TAB1: variants seen among roughly 807,000 people sequenced by gnomAD.
TAB1 encodes TGF-beta activated kinase 1 (MAP3K7) binding protein 1.
Under a neutral mutation model 54.5 loss-of-function variants are expected in TAB1, and 30 were observed. That is an observed-to-expected ratio of 0.55 (90% CI 0.41 to 0.75). TAB1 has a LOEUF of 0.75. TAB1 is among the 30% of genes least tolerant of loss of function. The pLI, the probability that TAB1 is intolerant of heterozygous loss-of-function variation, is 0.00. For missense variants in TAB1, 609 were observed against 683.2 expected (o/e 0.89, Z 1.21); for synonymous variants, 289 against 286.9 (o/e 1.01, Z -0.07).
intron 8 of TAB1, among the ~76,000 whole-genome samples, chr22:39,426,249 C>G (rs1927329354): frequency 6.6e-6 from 1 of 152,226 alleles, no homozygotes; most frequent in South Asian, 2.1e-4. Context: ...AGGGACTTCT[C>G]TGAGGTCAGG....
chr22:39,401,050 A>C (rs1013552411), intron 1 of TAB1, among the ~76,000 whole-genome samples: 4 of 151,810 alleles, frequency 2.6e-5, no homozygotes, highest in Non-Finnish European at 4.4e-5. Flanking sequence ...AAAAAAAAAA[A>C]AAAAAACGAA....
At chr22:39,422,564 C>T (rs1178783952) in intron 8 of TAB1, among the ~76,000 whole-genome samples, 4 of 151,964 alleles carry the variant, frequency 2.6e-5, no homozygotes, top group African/African-American at 9.7e-5. Context: ...TCTGCCACCA[C>T]GCCCAGCTAA....
chr22:39,435,725 T>C (rs1430243515), downstream of TAB1, among the ~76,000 whole-genome samples: 3 of 151,572 alleles, frequency 2.0e-5, no homozygotes, highest in Non-Finnish European at 4.4e-5. Context: ...GGGCATCACA[T>C]GGGCCGGGGA....
chr22:39,426,970 G>C (rs561922692), intron 9 of TAB1, 45 bp downstream of exon 9: 2 of 1,581,716 alleles, frequency 1.3e-6, no homozygotes, highest in Admixed American at 3.4e-5. Flanking sequence ...ATGCCATCTG[G>C]GGGCCAGAGG....
chr22:39,405,412 T>C (rs1926317550), intron 1 of TAB1, among the ~76,000 whole-genome samples: 1 of 152,250 alleles, frequency 6.6e-6, no homozygotes, highest in African/African-American at 2.4e-5. Context: ...GAGCAGTTCA[T>C]TTCTCAGACA....
chr22:39,427,287 A>C (rs940911596), intron 9 of TAB1, among the ~76,000 whole-genome samples: 3 of 152,184 alleles, frequency 2.0e-5, no homozygotes, highest in African/African-American at 7.2e-5. Flanking sequence ...GGGCAACCCT[A>C]AAGACAGGTG....
At chr22:39,420,645 G>A (rs2145673744) in intron 7 of TAB1, among the ~76,000 whole-genome samples, 1 of 152,272 alleles carries the variant, frequency 6.6e-6, no homozygotes. Flanking sequence ...AGACAGTGCT[G>A]GGGTCTATAC....
intron 1 of TAB1, among the ~76,000 whole-genome samples, chr22:39,414,264 C>G (rs1052828536): frequency 1.3e-5 from 2 of 152,002 alleles, no homozygotes; most frequent in African/African-American, 4.8e-5. Flanking sequence ...GGAGGGTGTT[C>G]ATGTGGAGGC....
downstream of TAB1, chr22:39,436,807 C>T (rs1052416902): frequency 1.8e-6 from 1 of 551,712 alleles, no homozygotes; most frequent in African/African-American, 1.9e-5. Flanking sequence ...GACTTATCCC[C>T]CAAGGCTGTC....
At chr22:39,434,628 G>A (rs1351000871), downstream of TAB1, among the ~76,000 whole-genome samples, 1 of 152,256 alleles carries the variant, frequency 6.6e-6, no homozygotes, top group African/African-American at 2.4e-5. Flanking sequence ...GTCAGGGACA[G>A]ACACAGTGTC....
At chr22:39,401,014 G>C (rs978311970) in intron 1 of TAB1, among the ~76,000 whole-genome samples, 2 of 130,492 alleles carry the variant, frequency 1.5e-5, no homozygotes. Flanking sequence ...AGCCTGGAGC[G>C]ACAGAGCGAG....
downstream of TAB1, among the ~76,000 whole-genome samples, chr22:39,434,446 G>A (rs1046247480): frequency 1.4e-4 from 21 of 152,258 alleles, no homozygotes; most frequent in African/African-American, 3.6e-4. Context: ...GCCGACAAGG[G>A]CATCTTTCAT....
At position 39,426,726 on chromosome 22, in the gene TAB1, T is replaced by C. The variant is rs1927359716; in HGVS notation, c.945T>C (p.Thr315=). ...AGGAGATTGCTGCGATGATTGACAC[T>C]GAGTTTGCCAAGCAGACCTCCCTGG... ...ANQEIAAMID[T]EFAKQTSLDA... Residue 315 remains threonine, a synonymous_variant, in exon 9 of 11, where the codon ACT becomes ACC. Transcript: ENST00000216160. 2.5e-6 allele frequency: 4 copies of C among 1,606,706 alleles called. No individual in the cohort carries two copies. In the East Asian group the frequency reaches 9.0e-5, roughly 36 times the overall value.
At chr22:39,431,885 G>C, downstream of TAB1, 1 of 985,408 alleles carries the variant, frequency 1.0e-6, no homozygotes, top group Non-Finnish European at 1.2e-6. Flanking sequence ...GATATTAATA[G>C]CGCTGTTGCT....
chr22:39,430,674 G>T lies in TAB1; in HGVS notation c.*452G>T, dbSNP rs1927551331. On this transcript the variant is annotated 3_prime_UTR_variant, in exon 11 of 11. Transcript: ENST00000216160. ...GGGACAGTAGCCCTCCACTTCTCCA[G>T]CCTCTCAGCCCTGTGCTCCTGCATC... 9.4e-7 allele frequency: 1 copy of T among 1,060,162 alleles called. No homozygotes were observed. The highest frequency in any genetic ancestry group is 3.3e-5 in the South Asian group (1 of 30,766). The allele number at this position is 1,060,162 out of a possible 1,614,324, so 65.7% of individuals were successfully genotyped here.
Position 39,417,856 on chromosome 22 carries a change from C to T in TAB1, c.550+7C>T. 6 of 1,597,752 alleles carry T rather than the reference C, an allele frequency of 3.8e-6. No individual in the cohort carries two copies. Among genetic ancestry groups the T allele is most frequent in the Non-Finnish European group, 5.1e-6 (6 of 1,172,080 alleles). ...CTCTACGTCGCCAATGTCGGTGAGC[C>T]CCCTCCTGTCCCAGGGCAGGGAGGA... On this transcript the variant is annotated splice_region_variant and intron_variant, in intron 5 of 10. Coordinates refer to ENST00000216160, the MANE Select transcript of TAB1 (RefSeq NM_006116.3).
downstream of TAB1, among the ~76,000 whole-genome samples, chr22:39,435,031 T>C (rs1468066542): frequency 6.6e-6 from 1 of 151,842 alleles, no homozygotes; most frequent in Non-Finnish European, 1.5e-5. Flanking sequence ...GGGATGTGTC[T>C]AAGAACATGA....
Position 39,416,945 on chromosome 22 carries a change from TCTA to T in TAB1, c.411+71_411+73del, listed in dbSNP as rs1377194614. ...CAGCTTTGCAAGGAGCATGGACTCA[TCTA>T]CTTTCTTGACATTACTGGGCCAGAG... is the stretch of plus-strand genomic sequence containing the variant. On this transcript the variant is annotated intron_variant, in intron 4 of 10. Coordinates refer to ENST00000216160, the MANE Select transcript of TAB1 (RefSeq NM_006116.3). 3 of 1,484,472 alleles carry T rather than the reference TCTA, an allele frequency of 2.0e-6. No homozygotes were observed. In the African/African-American group the frequency reaches 4.1e-5, roughly 21 times the overall value. The allele number at this position is 1,484,472 out of a possible 1,614,324, so 92.0% of individuals were successfully genotyped here. A position where few individuals can be genotyped will look rare whatever the true frequency, so the allele number is the denominator to read the frequency against.
Position 39,430,138 on chromosome 22 carries a change from T to C in TAB1, c.1431T>C (p.Arg477=). ...CGCTCCCGCCTGGCGAGGACGGTCG[T>C]GTTGAGCCCTATGTGGACTTTGCTG... ...AHSLPPGEDG[R]VEPYVDFAEF... is the part of the protein sequence containing the mutation. Residue 477 remains arginine, a synonymous_variant, in exon 11 of 11, where the codon CGT becomes CGC. Coordinates refer to ENST00000216160, the MANE Select transcript of TAB1 (RefSeq NM_006116.3). 1 of 1,614,026 alleles carries C rather than the reference T, an allele frequency of 6.2e-7. No homozygotes were observed. Among genetic ancestry groups the C allele is most frequent in the Non-Finnish European group, 8.5e-7 (1 of 1,180,042 alleles).
Sources: allele counts gnomAD v4.1 joint callset (sites outside exome capture counted in the v4.1 genomes callset), GRCh38; gene constraint gnomAD v4.1.1; transcripts MANE v1.5; gene names NCBI Gene and HGNC (gene_info 2026-07-23, HGNC 2026-07-21).